The following BNC2 variants were observed in gnomAD, a reference collection of about 807,000 sequenced individuals.
BNC2 encodes the protein basonuclin zinc finger protein 2, also known as zinc finger protein basonuclin-2.
A neutral mutation model predicts 76.3 loss-of-function variants in BNC2; 20 were observed. That is an observed-to-expected ratio of 0.26 (90% confidence interval 0.18 to 0.38). The LOEUF is 0.38. Ranked by LOEUF, BNC2 falls within the 10% of genes least tolerant of loss-of-function variation. BNC2 has a pLI of 1.00. For missense variants in BNC2, 1,382 were observed against 1,399.8 expected (o/e 0.99, Z 0.20); for synonymous variants, 582 against 514.8 (o/e 1.13, Z -1.77).
intron 2 of BNC2, among the ~76,000 whole-genome samples, chr9:16,734,448 C>CCT (rs147365872): frequency 0.9 from 136,484 of 151,906 alleles, 61,353 homozygotes; most frequent in Non-Finnish European, 0.92. Flanking sequence ...ATCACTGGCC[C>CCT]CTCTCATTAT....
At chr9:16,639,863 A>C (rs1382856211) in intron 3 of BNC2, among the ~76,000 whole-genome samples, 3 of 152,156 alleles carry the variant, frequency 2.0e-5, no homozygotes, top group Non-Finnish European at 2.9e-5. Flanking sequence ...TCAAGGCTTC[A>C]GTGAGCTATG....
chr9:16,433,439 G>A (rs933491297), intron 6 of BNC2, among the ~76,000 whole-genome samples: 3 of 152,054 alleles, frequency 2.0e-5, no homozygotes, highest in African/African-American at 7.2e-5. Context: ...AACACCCTGG[G>A]AGCACATCTG....
intron 1 of BNC2, among the ~76,000 whole-genome samples, chr9:16,861,261 G>A (rs937170952): frequency 2.0e-5 from 3 of 150,374 alleles, no homozygotes; most frequent in Admixed American, 1.3e-4. Context: ...GGCTGAAGCA[G>A]GAGGATTTCT....
At chr9:16,718,450 G>A (rs894086461) in intron 3 of BNC2, among the ~76,000 whole-genome samples, 2 of 152,208 alleles carry the variant, frequency 1.3e-5, no homozygotes, top group African/African-American at 4.8e-5. Flanking sequence ...TCAGTCCCAT[G>A]ATTACTTTCC....
intron 1 of BNC2, among the ~76,000 whole-genome samples, chr9:16,759,326 G>A (rs67330682): frequency 0.048 from 7,380 of 152,216 alleles, 692 homozygotes; most frequent in East Asian, 0.44. Flanking sequence ...TTTTATTCAA[G>A]AACAGTATGT....
intron 1 of BNC2, among the ~76,000 whole-genome samples, chr9:16,804,630 C>G (rs1200169336): frequency 6.6e-6 from 1 of 152,172 alleles, no homozygotes; most frequent in Non-Finnish European, 1.5e-5. Flanking sequence ...TAAAAACCAA[C>G]TGGAACACGA....
intron 5 of BNC2, among the ~76,000 whole-genome samples, chr9:16,492,916 A>G (rs1822308537): frequency 6.6e-6 from 1 of 152,098 alleles, no homozygotes; most frequent in South Asian, 2.1e-4. Context: ...AGTTTTTTAC[A>G]GGCATCACTA....
intron 1 of BNC2, among the ~76,000 whole-genome samples, chr9:16,748,163 G>C (rs1587376452): frequency 6.6e-6 from 1 of 152,234 alleles, no homozygotes; most frequent in East Asian, 1.9e-4. Flanking sequence ...AAAAACTGAG[G>C]AGGTAACAAA....
chr9:16,618,033 T>C (rs1374046273), intron 3 of BNC2, among the ~76,000 whole-genome samples: 1 of 152,200 alleles, frequency 6.6e-6, no homozygotes, highest in Non-Finnish European at 1.5e-5. Context: ...AGCGCCACTT[T>C]ACGGTGACTA....
intron 1 of BNC2, among the ~76,000 whole-genome samples, chr9:16,789,010 C>G (rs1482360506): frequency 6.6e-6 from 1 of 152,210 alleles, no homozygotes; most frequent in East Asian, 1.9e-4. Context: ...TTGCTCCTCT[C>G]AAATCCATCC....
intron 1 of BNC2, among the ~76,000 whole-genome samples, chr9:16,756,014 G>T (rs1361651261): frequency 1.3e-5 from 2 of 152,180 alleles, no homozygotes; most frequent in Non-Finnish European, 2.9e-5. Context: ...CGCTAGATAT[G>T]TGAAAAACAA....
chr9:16,591,019 G>A (rs1819915900), intron 3 of BNC2, among the ~76,000 whole-genome samples: 1 of 152,178 alleles, frequency 6.6e-6, no homozygotes, highest in South Asian at 2.1e-4. Context: ...GGTTGTGTAT[G>A]ATATGCTAAG....
At chr9:16,503,946 T>A (rs2131820362) in intron 5 of BNC2, among the ~76,000 whole-genome samples, 1 of 152,288 alleles carries the variant, frequency 6.6e-6, no homozygotes, top group Admixed American at 6.5e-5. Flanking sequence ...TATAGTTCAG[T>A]AAGAAAAATA....
chr9:16,595,690 C>G (rs1026975199), intron 3 of BNC2, among the ~76,000 whole-genome samples: 1 of 151,904 alleles, frequency 6.6e-6, no homozygotes, highest in African/African-American at 2.4e-5. Context: ...TGCTAGTATG[C>G]TGAAAAAAAA....
chr9:16,815,244 T>C lies in BNC2; in HGVS notation c.3+55402A>G, dbSNP rs114367611. 5.2e-3 allele frequency among the ~76,000 whole-genome samples: 788 copies of C among 152,208 alleles called. 9 individuals are homozygous for C. The highest frequency in any genetic ancestry group is 0.018 in the African/African-American group (729 of 41,534). ...AACTAGATTAAGTACAGCTGGAGTG[T>C]AGGGTAAACATAGATCAGATATGGT... On this transcript the variant is annotated intron_variant, in intron 1 of 6. Transcript: ENST00000380672.
At chr9:16,590,722 G>T (rs1481511618) in intron 3 of BNC2, among the ~76,000 whole-genome samples, 1 of 152,064 alleles carries the variant, frequency 6.6e-6, no homozygotes, top group East Asian at 2.0e-4. Context: ...CGGGAAGACT[G>T]CTTGAGCCTC....
intron 3 of BNC2, among the ~76,000 whole-genome samples, chr9:16,661,492 T>C (rs554962916): frequency 2.0e-5 from 3 of 152,326 alleles, no homozygotes; most frequent in Admixed American, 6.5e-5. Context: ...GTATGTATTA[T>C]AGAAGACTCT....
chr9:16,558,315 T>C (rs1308231576), intron 4 of BNC2, among the ~76,000 whole-genome samples: 1 of 152,252 alleles, frequency 6.6e-6, no homozygotes, highest in African/African-American at 2.4e-5. Flanking sequence ...ATTTCTTCTC[T>C]TTCCTCTAAA....
chr9:16,568,256 C>A (rs1819222026), intron 4 of BNC2, among the ~76,000 whole-genome samples: 2 of 152,010 alleles, frequency 1.3e-5, no homozygotes, highest in South Asian at 4.2e-4. Flanking sequence ...AAACTCTTTC[C>A]ACGATTACTT....
Sources: allele counts gnomAD v4.1 joint callset (sites outside exome capture counted in the v4.1 genomes callset), GRCh38; gene constraint gnomAD v4.1.1; transcripts MANE v1.5; gene names NCBI Gene and HGNC (gene_info 2026-07-23, HGNC 2026-07-21).